Variants in NRXN1 observed in about 807,000 individuals in gnomAD.
NRXN1 encodes the protein neurexin-1.
NRXN1 carries 39 observed loss-of-function variants against 150.9 expected under a neutral mutation model. The ratio of observed to expected loss-of-function variants is 0.26; its 90% confidence interval spans 0.20 to 0.34. NRXN1 has a LOEUF of 0.34. Ranked by LOEUF, NRXN1 falls within the 10% of genes least tolerant of loss-of-function variation. The probability of loss-of-function intolerance (pLI) is 1.00; values close to 1 mark genes in which losing one functional copy is unlikely to be tolerated. For missense variants in NRXN1, 1,815 were observed against 1,949.9 expected (o/e 0.93, Z 1.30); for synonymous variants, 924 against 757.0 (o/e 1.22, Z -3.62).
At chr2:50,685,608 T>A (rs1035092242) in intron 5 of NRXN1, among the ~76,000 whole-genome samples, 1 of 152,150 alleles carries the variant, frequency 6.6e-6, no homozygotes, top group Non-Finnish European at 1.5e-5. Flanking sequence ...TATCCTCCAA[T>A]GAGTATAGGA....
chr2:50,077,455 T>C (rs556850332), intron 19 of NRXN1, among the ~76,000 whole-genome samples: 1 of 152,202 alleles, frequency 6.6e-6, no homozygotes, highest in Non-Finnish European at 1.5e-5. Context: ...TTTCTTTTTT[T>C]ACTAAAGCAA....
chr2:50,663,335 T>C (rs970574161), intron 5 of NRXN1, among the ~76,000 whole-genome samples: 6 of 152,142 alleles, frequency 3.9e-5, no homozygotes, highest in African/African-American at 1.2e-4. Context: ...TTGGTTCTTC[T>C]GGGAAATTAA....
chr2:50,723,408 G>T (rs535501619), intron 5 of NRXN1, among the ~76,000 whole-genome samples: 140 of 152,264 alleles, frequency 9.2e-4, no homozygotes, highest in African/African-American at 3.2e-3. Context: ...AAAATCCAGT[G>T]TTCTGATGAC....
chr2:50,553,390 T>C (rs1194435437), intron 8 of NRXN1, among the ~76,000 whole-genome samples: 1 of 152,238 alleles, frequency 6.6e-6, no homozygotes. Flanking sequence ...TAGTTGTCTA[T>C]GATATTTTTA....
intron 5 of NRXN1, among the ~76,000 whole-genome samples, chr2:50,650,378 G>A (rs1685435577): frequency 6.6e-6 from 1 of 152,038 alleles, no homozygotes; most frequent in African/African-American, 2.4e-5. Flanking sequence ...GTTCTGGAAG[G>A]ATGACTCGCT....
chr2:50,409,795 T>A (rs991711199), intron 17 of NRXN1, among the ~76,000 whole-genome samples: 3 of 152,218 alleles, frequency 2.0e-5, no homozygotes, highest in African/African-American at 7.2e-5. Context: ...TTTGATTATC[T>A]ATTAGAATTT....
chr2:50,622,707 C>G (rs1238026442), intron 6 of NRXN1, among the ~76,000 whole-genome samples: 2 of 152,062 alleles, frequency 1.3e-5, no homozygotes, highest in Non-Finnish European at 2.9e-5. Flanking sequence ...AAATGGGCAC[C>G]TAGAAGATTA....
chr2:50,668,757 A>T (rs537369953), intron 5 of NRXN1, among the ~76,000 whole-genome samples: 4 of 152,122 alleles, frequency 2.6e-5, no homozygotes, highest in Admixed American at 6.6e-5. Flanking sequence ...CCTCCTGGTT[A>T]CAGAGCATGT....
At chr2:50,548,268 T>G (rs2093537994) in intron 9 of NRXN1, 1 of 152,190 alleles carries the variant, frequency 6.6e-6, no homozygotes, top group South Asian at 2.1e-4. Context: ...ACAGAAGTCC[T>G]GTTCTCATAA....
chr2:50,954,425 G>A (rs761400538), intron 2 of NRXN1, among the ~76,000 whole-genome samples: 2 of 152,178 alleles, frequency 1.3e-5, no homozygotes, highest in East Asian at 1.9e-4. Context: ...CTTCACTGAT[G>A]TAAATGCTAC....
chr2:50,106,692 T>A (rs1322189223), intron 18 of NRXN1, among the ~76,000 whole-genome samples: 1 of 151,968 alleles, frequency 6.6e-6, no homozygotes, highest in Non-Finnish European at 1.5e-5. Flanking sequence ...TAATACAATT[T>A]TCTACTTTAA....
chr2:50,090,251 T>C (rs1446742066), intron 19 of NRXN1, among the ~76,000 whole-genome samples: 3 of 152,192 alleles, frequency 2.0e-5, no homozygotes, highest in African/African-American at 7.2e-5. Flanking sequence ...GAGTCAGTAC[T>C]TGGGATATTT....
rs61155972 is a variant in NRXN1 at position 50,698,877 on chromosome 2, G to A, written c.833-75262C>T. Among the ~76,000 whole-genome samples, 654 of 152,230 alleles carry A rather than the reference G, an allele frequency of 4.3e-3. 9 individuals carry two copies. The highest frequency in any genetic ancestry group is 0.015 in the African/African-American group (609 of 41,508). Reference sequence around the variant, plus strand: ...TCTTTCTCATTTCTCCATGTTTGAAGTACACTTTAAAGCTGTCCAAAGTAG... The same window carrying A: ...TCTTTCTCATTTCTCCATGTTTGAAATACACTTTAAAGCTGTCCAAAGTAG... On this transcript the variant is annotated intron_variant, in intron 5 of 22. Coordinates refer to ENST00000401669, the MANE Select transcript of NRXN1 (RefSeq NM_001330078.2).
chr2:50,828,134 C>A (rs1022945073), intron 5 of NRXN1, among the ~76,000 whole-genome samples: 2 of 151,734 alleles, frequency 1.3e-5, no homozygotes, highest in Non-Finnish European at 2.9e-5. Context: ...CCCTCCCAGA[C>A]GGGGTGGTGG....
intron 5 of NRXN1, among the ~76,000 whole-genome samples, chr2:50,908,127 T>C (rs576950502): frequency 3.2e-4 from 48 of 152,186 alleles, no homozygotes; most frequent in African/African-American, 1.1e-3. Context: ...ATTCACAGCA[T>C]CTTGCATAGG....
chr2:50,638,793 T>C (rs552983610), intron 5 of NRXN1, among the ~76,000 whole-genome samples: 43 of 152,304 alleles, frequency 2.8e-4, no homozygotes, highest in African/African-American at 9.1e-4. Flanking sequence ...TTGAAATAAG[T>C]TGTCTCCTCC....
At chr2:50,100,083 C>A (rs553752927) in intron 18 of NRXN1, among the ~76,000 whole-genome samples, 1 of 151,890 alleles carries the variant, frequency 6.6e-6, no homozygotes, top group South Asian at 2.1e-4. Flanking sequence ...AGATTTCCTT[C>A]AAAATTTAAA....
chr2:50,128,445 G>T (rs1247628542), intron 18 of NRXN1, among the ~76,000 whole-genome samples: 1 of 152,046 alleles, frequency 6.6e-6, no homozygotes, highest in Non-Finnish European at 1.5e-5. Context: ...TAAAAGAAGG[G>T]CCACCTCATT....
chr2:50,665,705 A>C, intron 5 of NRXN1, among the ~76,000 whole-genome samples: 1 of 151,994 alleles, frequency 6.6e-6, no homozygotes, highest in East Asian at 1.9e-4. Flanking sequence ...AGTTTATCAA[A>C]GTGAGGCCCT....
Sources: allele counts gnomAD v4.1 joint callset (sites outside exome capture counted in the v4.1 genomes callset), GRCh38; gene constraint gnomAD v4.1.1; transcripts MANE v1.5; gene names NCBI Gene and HGNC (gene_info 2026-07-23, HGNC 2026-07-21).